Variants in PCDH1 observed in about 807,000 individuals in gnomAD.
The protein encoded by PCDH1 is protocadherin 1.
Under a neutral mutation model 74.6 loss-of-function variants are expected in PCDH1, and 23 were observed. The ratio of observed to expected loss-of-function variants is 0.31; its 90% CI spans 0.22 to 0.44. The LOEUF is 0.44. PCDH1 is among the 20% of genes least tolerant of loss of function. The pLI is 1.00. For synonymous variants in PCDH1, 647 were observed against 686.1 expected (o/e 0.94, Z 0.89); for missense variants, 1,214 against 1,641.4 (o/e 0.74, Z 4.50).
At chr5:141,874,679 G>A (rs1489211196) in intron 1 of PCDH1, among the ~76,000 whole-genome samples, 1 of 152,156 alleles carries the variant, frequency 6.6e-6, no homozygotes. Context: ...GGGGACCAAG[G>A]TCCATTTTGC....
rs958769818 is a variant in PCDH1, at chr5:141,868,067, C to G, written c.903+502G>C. On this transcript the variant is annotated intron_variant, in intron 2 of 4. Transcript: ENST00000287008. This position sits in a 1 kb window ranked among gnomAD's most constrained non-coding sequence, Gnocchi z 4.8. ...TGTTTTTTCAGAACTCTGAGGGTCC[C>G]ACCTGGCTAAAATGATCTCATCTGA... 6.6e-6 allele frequency among the ~76,000 whole-genome samples: 1 copy of G among 152,220 alleles called. No homozygotes were observed. The highest frequency in any genetic ancestry group is 2.4e-5 in the African/African-American group (1 of 41,450).
chr5:141,863,070 G>A lies in PCDH1; in HGVS notation c.3099+162C>T. 1.5e-6 allele frequency: 2 copies of A among 1,370,148 alleles called. No individual in the cohort carries two copies. Among genetic ancestry groups the A allele is most frequent in the Admixed American group, 6.4e-5 (2 of 31,174 alleles). 84.9% of individuals were successfully genotyped at this position (1,370,148 alleles called of 1,614,324 possible). The stretch of plus-strand genomic sequence containing the variant: ...TCACTCAGCCTAATCCGTGTGCCCG[G>A]TGAGGCACTAAGGCCCCACCTCCCA... On this transcript the variant is annotated intron_variant, in intron 3 of 4. Transcript: ENST00000287008. This position sits in a 1 kb window ranked among gnomAD's most constrained non-coding sequence, Gnocchi z 7.5.
At chr5:141,873,079 C>T (rs75183167) in intron 1 of PCDH1, among the ~76,000 whole-genome samples, 165 of 152,066 alleles carry the variant, frequency 1.1e-3, no homozygotes, top group Non-Finnish European at 1.6e-3. Flanking sequence ...CATCTGGGTA[C>T]AACTTTGAGA....
Position 141,854,011 on chromosome 5 carries a change from G to T in PCDH1, c.*31C>A, listed in dbSNP as rs983492100. The T allele has an allele frequency of 6.8e-6, 10 of 1,474,448 alleles. No individual in the cohort carries two copies. Among genetic ancestry groups the T allele is most frequent in the African/African-American group, 1.4e-5 (1 of 71,050 alleles). The allele number at this position is 1,474,448 out of a possible 1,614,324, so 91.3% of individuals were successfully genotyped here. On this transcript the variant is annotated 3_prime_UTR_variant, in exon 5 of 5. Coordinates refer to ENST00000287008, the MANE Select transcript of PCDH1 (RefSeq NM_032420.5). ...CCATTTGGGAGCTGGCCGGCGGCTGGGGGAGGGGGGCCGGCCGGCCAGTAG... is the reference window on the plus strand; with the variant it reads ...CCATTTGGGAGCTGGCCGGCGGCTGTGGGAGGGGGGCCGGCCGGCCAGTAG...
rs750642344 is a variant in PCDH1, at chr5:141,865,466, G to T, written c.904-39C>A. ...GAGAAAAACAAGGAGAACAGAGATG[G>T]TTTAGATCAGGGATAGCAAATAAAG... On this transcript the variant is annotated intron_variant, in intron 2 of 4. Transcript: ENST00000287008. This position sits in a 1 kb window ranked among gnomAD's most constrained non-coding sequence, Gnocchi z 4.4. 1 of 1,586,468 alleles carries T rather than the reference G, an allele frequency of 6.3e-7. No homozygotes were observed. Among genetic ancestry groups the T allele is most frequent in the Non-Finnish European group, 8.6e-7 (1 of 1,167,726 alleles).
chr5:141,855,354 C>T (rs984497016), intron 4 of PCDH1, among the ~76,000 whole-genome samples: 1 of 151,240 alleles, frequency 6.6e-6, no homozygotes, highest in Non-Finnish European at 1.5e-5. Flanking sequence ...GACAGGTGCA[C>T]AAACACACAC....
intron 3 of PCDH1, chr5:141,862,587 G>A: frequency 1.0e-6 from 1 of 977,942 alleles, no homozygotes; most frequent in Non-Finnish European, 1.2e-6. Context: ...AGGACCTGAG[G>A]ACAAAGGGCT....
At chr5:141,866,253 C>T in intron 2 of PCDH1, 4 of 985,320 alleles carry the variant, frequency 4.1e-6, no homozygotes, top group Non-Finnish European at 3.6e-6. Context: ...TGCGAGGAAT[C>T]CGGCCTGAGC....
intron 4 of PCDH1, chr5:141,856,316 G>A: frequency 7.0e-7 from 1 of 1,437,466 alleles, no homozygotes; most frequent in Non-Finnish European, 9.5e-7. Flanking sequence ...TGGAGGGGCG[G>A]GGTGGGGGTG....
chr5:141,860,451 A>T (rs1752519580), intron 3 of PCDH1, among the ~76,000 whole-genome samples: 1 of 149,780 alleles, frequency 6.7e-6, no homozygotes, highest in Non-Finnish European at 1.5e-5. Context: ...ATGAGCCAAG[A>T]TTGCGCCCCT....
rs941823191 is a variant in PCDH1, at chr5:141,853,963, G to A, written c.*79C>T. The A allele has an allele frequency of 1.7e-5, 22 of 1,293,112 alleles. No individual in the cohort carries two copies. Among genetic ancestry groups the A allele is most frequent in the Non-Finnish European group, 2.0e-5 (19 of 961,764 alleles). The allele number at this position is 1,293,112 out of a possible 1,614,324, so 80.1% of individuals were successfully genotyped here. ...GCCAGGAAGTCCACGCTGAAGGGGT[G>A]GAGAGTGAGGCCCTGGAATGGGCCA... On this transcript the variant is annotated 3_prime_UTR_variant, in exon 5 of 5. Coordinates refer to ENST00000287008, the MANE Select transcript of PCDH1 (RefSeq NM_032420.5).
chr5:141,855,954 A>C (rs1456655862), intron 4 of PCDH1, among the ~76,000 whole-genome samples: 6 of 148,914 alleles, frequency 4.0e-5, no homozygotes, highest in South Asian at 2.1e-4. Context: ...CCAGGCAGTG[A>C]CCCCCCCCCA....
chr5:141,877,517 C>T (rs1753271110), intron 1 of PCDH1, among the ~76,000 whole-genome samples: 2 of 151,934 alleles, frequency 1.3e-5, no homozygotes, highest in Non-Finnish European at 2.9e-5. Context: ...CTGTGACACT[C>T]GTACATGAGG....
intron 2 of PCDH1, among the ~76,000 whole-genome samples, chr5:141,866,847 G>A (rs542837039): frequency 5.9e-5 from 9 of 152,192 alleles, no homozygotes; most frequent in South Asian, 4.2e-4. Flanking sequence ...CCTCCTACCC[G>A]CCTGCCTCTG....
chr5:141,873,460 T>C (rs1753145981), intron 1 of PCDH1, among the ~76,000 whole-genome samples: 1 of 149,862 alleles, frequency 6.7e-6, no homozygotes, highest in South Asian at 2.1e-4. Flanking sequence ...CGTTTTTTTT[T>C]TCTTGAGACG....
rs953079056 is a variant in PCDH1 at position 141,878,354 on chromosome 5, G to C, written c.-92C>G. The C allele has an allele frequency of 2.4e-5, 24 of 984,734 alleles. No individual in the cohort carries two copies. Among genetic ancestry groups the C allele is most frequent in the Non-Finnish European group, 2.3e-5 (18 of 780,810 alleles). The allele number at this position is 984,734 out of a possible 1,614,324, so 61.0% of individuals were successfully genotyped here. A position where few individuals can be genotyped will look rare whatever the true frequency, so the allele number is the denominator to read the frequency against. On this transcript the variant is annotated 5_prime_UTR_variant, in exon 1 of 5. Transcript: ENST00000287008. The surrounding 1 kb of genome is among the most constrained non-coding windows in gnomAD (Gnocchi z 5.5). ...TCCGGCTCCGGCTCCGGCTGGCTCT[G>C]GGCGCAGCAGCCCGGCGGCTTTGCG... is the stretch of plus-strand genomic sequence containing the variant.
At chr5:141,873,273 G>A (rs1281454602) in intron 1 of PCDH1, among the ~76,000 whole-genome samples, 1 of 144,648 alleles carries the variant, frequency 6.9e-6, no homozygotes, top group African/African-American at 2.6e-5. Context: ...CTACAGGCAC[G>A]TGCCACCACG....
rs149443924 is a variant in PCDH1, at chr5:141,865,348, C to T, written c.983G>A (p.Arg328His). The change falls in exon 3 of 5, where the codon CGT becomes CAT. Residue 328 changes from arginine to histidine, a missense_variant. By Grantham distance (29) the Arg-to-His change is conservative. Transcript: ENST00000287008. The surrounding 1 kb of genome is among the most constrained non-coding windows in gnomAD (Gnocchi z 4.4). ...AGTGTTCCTGTCCAGTCGAAGAAGA[C>T]GCCTCACAACTTCGGGCGCCTGGTG... is the stretch of plus-strand genomic sequence containing the variant. ...TFHQAPEVVRRLLRLDRNTGL... is the reference protein window; with the variant it reads ...TFHQAPEVVRHLLRLDRNTGL... 1.1e-5 allele frequency: 17 copies of T among 1,614,038 alleles called. No homozygotes were observed. Among genetic ancestry groups the T allele is most frequent in the Admixed American group, 1.7e-5 (1 of 60,000 alleles).
At chr5:141,874,642 C>T (rs921719521) in intron 1 of PCDH1, among the ~76,000 whole-genome samples, 4 of 152,156 alleles carry the variant, frequency 2.6e-5, no homozygotes, top group Admixed American at 6.5e-5. Flanking sequence ...GAGAGTTCAC[C>T]CGGAAACTTC....
Sources: gnomAD v4.1 joint callset for allele counts (sites outside exome capture counted in the v4.1 genomes callset) on GRCh38, gnomAD v4.1.1 for gene constraint, Gnocchi (gnomAD v3.1) non-coding constraint, MANE v1.5 for transcripts, NCBI Gene and HGNC (gene_info 2026-07-23, HGNC 2026-07-21) for gene names.